NUP37: variants seen among roughly 807,000 people sequenced by gnomAD.
NUP37 encodes nucleoporin Nup37.
NUP37 carries 33 observed loss-of-function variants against 45.4 expected under a neutral mutation model. That is an observed-to-expected ratio of 0.73 (90% CI 0.55 to 0.97). NUP37 has a LOEUF of 0.97. Among genes scored for constraint, NUP37 ranks in the 50% least tolerant of loss-of-function variants. NUP37 has a pLI of 0.00. For synonymous variants in NUP37, 127 were observed against 130.7 expected, an observed-to-expected ratio of 0.97 and a Z score of 0.19; for missense variants, 365 against 389.7, an observed-to-expected ratio of 0.94 and a Z score of 0.53.
intron 8 of NUP37, 49 bp from the exon 9 acceptor site, chr12:102,075,143 G>A (rs544056876): frequency 2.7e-5 from 32 of 1,184,292 alleles, no homozygotes; most frequent in Non-Finnish European, 3.7e-5. Flanking sequence ...TATGGATAAT[G>A]ACAAGCTTTT....
intron 5 of NUP37, among the ~76,000 whole-genome samples, chr12:102,087,418 T>C (rs1879503547): frequency 6.6e-6 from 1 of 152,242 alleles, no homozygotes; most frequent in Non-Finnish European, 1.5e-5. Context: ...TCAAAATGAT[T>C]ATCTTAATGA....
chr12:102,110,368 G>GT (rs1880277341), intron 3 of NUP37, among the ~76,000 whole-genome samples: 2 of 151,640 alleles, frequency 1.3e-5, no homozygotes, highest in South Asian at 4.2e-4. Context: ...GGGAGTGGTG[G>GT]TGCATGCCTG....
At chr12:102,098,274 A>T (rs902290650) in intron 5 of NUP37, among the ~76,000 whole-genome samples, 1 of 152,204 alleles carries the variant, frequency 6.6e-6, no homozygotes, top group African/African-American at 2.4e-5. Flanking sequence ...AAAATGTTAT[A>T]GCTACCTCAT....
At position 102,118,589 on chromosome 12, in the gene NUP37, G is replaced by T; in HGVS notation, c.-65-6C>A. On this transcript the variant is annotated splice_polypyrimidine_tract_variant and splice_region_variant and intron_variant, in intron 1 of 9. Coordinates refer to ENST00000552283, the MANE Select transcript of NUP37 (RefSeq NM_024057.4). ...TACTGGACAAGGTCACGAAACTGTG[G>T]ATTAGAGCACAGGTACAATTACAAT... The T allele has an allele frequency of 7.2e-7, 1 of 1,381,404 alleles. No individual in the cohort carries two copies. The highest frequency in any genetic ancestry group is 1.0e-6 in the Non-Finnish European group (1 of 1,001,498). The allele number at this position is 1,381,404 out of a possible 1,614,324, so 85.6% of individuals were successfully genotyped here.
chr12:102,087,818 A>AT lies in NUP37; in HGVS notation c.450-1963dup, dbSNP rs915578381. Among the ~76,000 whole-genome samples the AT allele has an allele frequency of 9.2e-5, 14 of 152,262 alleles. 1 individual carries two copies. Among genetic ancestry groups the AT allele is most frequent in the Admixed American group, 1.3e-4 (2 of 15,308 alleles). ...AAATACATTCCAAAATATTTTCATG[A>AT]TTTTTTTCTTTCAAATGAAGGAAAC... On this transcript the variant is annotated intron_variant, in intron 5 of 9. Transcript: ENST00000552283.
chr12:102,086,993 G>A (rs1417234497), intron 5 of NUP37, among the ~76,000 whole-genome samples: 1 of 152,172 alleles, frequency 6.6e-6, no homozygotes, highest in Middle Eastern at 3.2e-3. Flanking sequence ...AGGCTAAAAT[G>A]GCAGGCTGAC....
At chr12:102,081,655 GTCCC>G (rs1327757394) in intron 6 of NUP37, among the ~76,000 whole-genome samples, 1 of 152,106 alleles carries the variant, frequency 6.6e-6, no homozygotes, top group Non-Finnish European at 1.5e-5. Context: ...ACTTAGTACA[GTCCC>G]TGGAAAATAG....
At chr12:102,074,968 A>AAGC (rs1879128124) in intron 9 of NUP37, 33 bp downstream of exon 9, 2 of 1,336,842 alleles carry the variant, frequency 1.5e-6, no homozygotes, top group Non-Finnish European at 2.0e-6. Context: ...AAAAAAAAAA[A>AAGC]AGCACGTATG....
chr12:102,074,446 C>T lies in NUP37; in HGVS notation c.889G>A (p.Ala297Thr). ...HPQPILMGSV[A>T]VGSGLSWHRT... ...TGCCAGGACAGTCCAGATCCAACGG[C>T]TACAGAACCCATGAGGATGGGCTAT... Residue 297 changes from alanine (A) to threonine (T), a missense_variant, in exon 10 of 10, where the codon GCC becomes ACC. Transcript: ENST00000552283. The T allele has an allele frequency of 6.2e-7, 1 of 1,607,900 alleles. No individual in the cohort carries two copies.
intron 6 of NUP37, among the ~76,000 whole-genome samples, chr12:102,079,468 G>GT: frequency 6.6e-6 from 1 of 152,184 alleles, no homozygotes; most frequent in Admixed American, 6.5e-5. Context: ...GAACCACTGG[G>GT]GAAATACACA....
At chr12:102,104,915 C>T (rs1415430147) in intron 3 of NUP37, among the ~76,000 whole-genome samples, 1 of 152,082 alleles carries the variant, frequency 6.6e-6, no homozygotes, top group Non-Finnish European at 1.5e-5. Flanking sequence ...TTGTTTTGGT[C>T]ATTTGGGGTC....
intron 9 of NUP37, 27 bp downstream of exon 9, chr12:102,074,974 G>A (rs185847988): frequency 1.7e-5 from 23 of 1,320,284 alleles, no homozygotes; most frequent in African/African-American, 7.5e-5. Context: ...AAAAAAGCAC[G>A]TATGTTACAA....
At chr12:102,106,368 C>G (rs1293203250) in intron 3 of NUP37, among the ~76,000 whole-genome samples, 1 of 152,156 alleles carries the variant, frequency 6.6e-6, no homozygotes, top group Non-Finnish European at 1.5e-5. Context: ...TGTTGAGTAT[C>G]AAGTTATCCC....
chr12:102,102,897 G>A (rs1345359860), intron 3 of NUP37, among the ~76,000 whole-genome samples: 2 of 151,962 alleles, frequency 1.3e-5, no homozygotes, highest in Admixed American at 6.6e-5. Context: ...GTAAATAATC[G>A]ATTGACCATA....
Position 102,099,130 on chromosome 12 carries a change from C to T in NUP37, c.425G>A (p.Ser142Asn). Reference protein sequence around the residue: ...FDPKEGQEIASVSDDHTCRIW... With the variant: ...FDPKEGQEIANVSDDHTCRIW... The stretch of plus-strand genomic sequence containing the variant: ...CCTGCAGGTGTGATCGTCACTCACA[C>T]TTGCAATTTCTTGGCCTTCTTTGGG... Residue 142 changes from serine to asparagine, a missense_variant, in exon 5 of 10, where the codon AGT (serine) becomes AAT (asparagine). Coordinates refer to ENST00000552283, the MANE Select transcript of NUP37 (RefSeq NM_024057.4). 1 of 1,613,360 alleles carries T rather than the reference C, an allele frequency of 6.2e-7. No homozygotes were observed.
intron 5 of NUP37, among the ~76,000 whole-genome samples, chr12:102,091,183 G>C (rs1365313114): frequency 6.6e-6 from 1 of 151,748 alleles, no homozygotes; most frequent in African/African-American, 2.4e-5. Flanking sequence ...GATCACCTGA[G>C]GTCAGGAGTT....
chr12:102,084,935 G>C (rs1259663827), intron 6 of NUP37, among the ~76,000 whole-genome samples: 3 of 152,178 alleles, frequency 2.0e-5, no homozygotes, highest in Non-Finnish European at 4.4e-5. Context: ...TCAGCATTAA[G>C]GGTAGTTGAT....
chr12:102,080,406 G>GT (rs1450428698), intron 6 of NUP37, among the ~76,000 whole-genome samples: 1 of 152,168 alleles, frequency 6.6e-6, no homozygotes, highest in Non-Finnish European at 1.5e-5. Context: ...GGGCCACAGA[G>GT]TGAGACCCTG....
At position 102,073,491 on chromosome 12, in the gene NUP37, A is replaced by T. The variant is rs1879086772; in HGVS notation, c.*863T>A. Reference sequence around the variant, plus strand: ...AAGTCATTTTTCAAGGTAACTTTTGATCCCATATATCAGATGTTCTAAGAC... The same window carrying T: ...AAGTCATTTTTCAAGGTAACTTTTGTTCCCATATATCAGATGTTCTAAGAC... On this transcript the variant is annotated 3_prime_UTR_variant, in exon 10 of 10. Transcript: ENST00000552283. 6.6e-6 allele frequency: 1 copy of T among 152,196 alleles called. No individual in the cohort carries two copies. The highest frequency in any genetic ancestry group is 1.5e-5 in the Non-Finnish European group (1 of 68,038). The allele number at this position is 152,196 out of a possible 1,614,324, so 9.4% of individuals were successfully genotyped here.
Sources: gnomAD v4.1 joint callset for allele counts (sites outside exome capture counted in the v4.1 genomes callset) on GRCh38, gnomAD v4.1.1 for gene constraint, MANE v1.5 for transcripts, NCBI Gene and HGNC (gene_info 2026-07-23, HGNC 2026-07-21) for gene names.